Variants in CNTNAP4 observed in about 807,000 individuals in gnomAD.
CNTNAP4 encodes contactin-associated protein-like 4.
CNTNAP4 carries 98 observed loss-of-function variants against 148.4 expected under a neutral mutation model. The observed-to-expected ratio is 0.66, with a 90% CI of 0.56 to 0.78. The LOEUF is 0.78. CNTNAP4 is among the 30% of genes least tolerant of loss of function. The pLI is 0.00. For synonymous variants in CNTNAP4, 730 were observed against 565.1 expected (o/e 1.29, Z -4.14); for missense variants, 1,935 against 1,565.6 (o/e 1.24, Z -3.98).
At chr16:76,372,370 G>A (rs1411128728) in intron 3 of CNTNAP4, among the ~76,000 whole-genome samples, 1 of 150,500 alleles carries the variant, frequency 6.6e-6, no homozygotes, top group Admixed American at 6.7e-5. Flanking sequence ...GGATGGTCTC[G>A]ATTTCCTGAC....
intron 4 of CNTNAP4, among the ~76,000 whole-genome samples, chr16:76,435,155 G>A (rs1224602965): frequency 1.3e-5 from 2 of 152,132 alleles, no homozygotes; most frequent in African/African-American, 4.8e-5. Flanking sequence ...CATTCAAGGG[G>A]TTCTGGGTCT....
chr16:76,324,609 G>GGT (rs767522069), intron 2 of CNTNAP4, among the ~76,000 whole-genome samples: 6 of 152,182 alleles, frequency 3.9e-5, no homozygotes, highest in Non-Finnish European at 7.3e-5. Flanking sequence ...CTTACCTCAA[G>GGT]GTGACGGTAG....
intron 1 of CNTNAP4, 88 bp downstream of exon 1, chr16:76,277,835 TGGG>T: frequency 1.2e-6 from 1 of 842,828 alleles, no homozygotes; most frequent in South Asian, 1.5e-5. Context: ...TATTTGCAGC[TGGG>T]ATTGCTGCAA....
chr16:76,459,021 A>G (rs993435246), intron 8 of CNTNAP4, among the ~76,000 whole-genome samples: 6 of 152,120 alleles, frequency 3.9e-5, no homozygotes, highest in Admixed American at 1.3e-4. Flanking sequence ...TTTGCAATAG[A>G]TCAGATAATA....
chr16:76,475,109 G>A (rs11149903), intron 10 of CNTNAP4, among the ~76,000 whole-genome samples: 22,764 of 151,848 alleles, frequency 0.15, 2,090 homozygotes, highest in South Asian at 0.3. Flanking sequence ...CCCAGGAGGC[G>A]GAGGTTGCAG....
intron 3 of CNTNAP4, among the ~76,000 whole-genome samples, chr16:76,410,838 TA>T (rs1417371561): frequency 6.6e-6 from 1 of 151,682 alleles, no homozygotes; most frequent in Non-Finnish European, 1.5e-5. Context: ...TAGAGATAAT[TA>T]ATTTTTGTAT....
intron 1 of CNTNAP4, among the ~76,000 whole-genome samples, chr16:76,310,562 T>C (rs780347257): frequency 6.6e-6 from 1 of 152,204 alleles, no homozygotes; most frequent in Non-Finnish European, 1.5e-5. Flanking sequence ...GACTCCAATC[T>C]TTCCAAAGCT....
chr16:76,345,586 A>G (rs564877176), intron 2 of CNTNAP4, among the ~76,000 whole-genome samples: 6 of 152,158 alleles, frequency 3.9e-5, no homozygotes, highest in Non-Finnish European at 7.4e-5. Context: ...GATTTGGCCA[A>G]TGTGATAAGG....
chr16:76,522,218 G>A lies in CNTNAP4; in HGVS notation c.2716G>A (p.Gly906Arg). ...TPKTQPAPAD[G>R]HVLLQLNSQL... is the part of the protein sequence containing the mutation. ...AAAGACACAGCCCGCCCCCGCTGAT[G>A]GGCATGTCCTGTTACAGCTCAACAG... Residue 906 changes from glycine (G) to arginine (R), a missense_variant, in exon 17 of 24, where the codon GGG becomes AGG. Gly to Arg is a moderately radical substitution (Grantham distance 125). Transcript: ENST00000611870. 1 of 1,613,912 alleles carries A rather than the reference G, an allele frequency of 6.2e-7. No homozygotes were observed. Among genetic ancestry groups the A allele is most frequent in the Non-Finnish European group, 8.5e-7 (1 of 1,179,890 alleles).
chr16:76,449,571 A>T, intron 6 of CNTNAP4, 144 bp from the exon 7 acceptor site: 1 of 633,108 alleles, frequency 1.6e-6, no homozygotes, highest in Non-Finnish European at 2.5e-6. Context: ...AATTTGTTTT[A>T]AATCTATATC....
At chr16:76,516,637 C>T (rs1245838979) in intron 15 of CNTNAP4, among the ~76,000 whole-genome samples, 1 of 152,196 alleles carries the variant, frequency 6.6e-6, no homozygotes. Context: ...TTGGTAATAG[C>T]TGAAAGCTAC....
intron 23 of CNTNAP4, among the ~76,000 whole-genome samples, chr16:76,554,168 T>C (rs566001511): frequency 6.6e-6 from 1 of 152,324 alleles, no homozygotes; most frequent in Admixed American, 6.5e-5. Flanking sequence ...TGCTAACATG[T>C]GTAATAATGA....
At chr16:76,510,917 C>T (rs2082999271) in intron 15 of CNTNAP4, among the ~76,000 whole-genome samples, 1 of 151,914 alleles carries the variant, frequency 6.6e-6, no homozygotes, top group Non-Finnish European at 1.5e-5. Context: ...TTTTTTTCAC[C>T]TTGTATGTGA....
At chr16:76,433,985 T>G (rs1005212354) in intron 4 of CNTNAP4, among the ~76,000 whole-genome samples, 2 of 151,350 alleles carry the variant, frequency 1.3e-5, no homozygotes, top group African/African-American at 2.4e-5. Context: ...TGGAGTGTAT[T>G]AGGGTTCTCT....
intron 3 of CNTNAP4, among the ~76,000 whole-genome samples, chr16:76,367,380 A>C (rs1332424593): frequency 6.6e-6 from 1 of 152,176 alleles, no homozygotes; most frequent in East Asian, 1.9e-4. Flanking sequence ...TTCTAGGCAA[A>C]GGGAACCAAA....
intron 8 of CNTNAP4, among the ~76,000 whole-genome samples, chr16:76,460,012 A>G (rs2080879767): frequency 6.6e-6 from 1 of 152,250 alleles, no homozygotes; most frequent in South Asian, 2.1e-4. Flanking sequence ...CTACATATAT[A>G]TAAACTTGGA....
intron 12 of CNTNAP4, among the ~76,000 whole-genome samples, chr16:76,482,009 ATT>A (rs10568011): frequency 0.54 from 81,671 of 149,978 alleles, 22,140 homozygotes; most frequent in Admixed American, 0.61. Flanking sequence ...TTATTTTTTT[ATT>A]TTTTTTTTTA....
intron 21 of CNTNAP4, among the ~76,000 whole-genome samples, chr16:76,542,980 C>T (rs1275468824): frequency 6.6e-6 from 1 of 152,094 alleles, no homozygotes; most frequent in Admixed American, 6.5e-5. Context: ...ATTGTATTAA[C>T]CAAACAGTAG....
chr16:76,302,551 G>C (rs1960085752), intron 1 of CNTNAP4, among the ~76,000 whole-genome samples: 1 of 151,964 alleles, frequency 6.6e-6, no homozygotes, highest in African/African-American at 2.4e-5. Context: ...CACTTTTTGT[G>C]TCTCTGACCT....
Sources: gnomAD v4.1 joint callset for allele counts (sites outside exome capture counted in the v4.1 genomes callset) on GRCh38, gnomAD v4.1.1 for gene constraint, MANE v1.5 for transcripts, NCBI Gene and HGNC (gene_info 2026-07-23, HGNC 2026-07-21) for gene names.